PATJ: variants seen among roughly 807,000 people sequenced by gnomAD.
The protein encoded by PATJ is PATJ crumbs cell polarity complex component, also known as inaD-like protein.
PATJ carries 190 observed loss-of-function variants against 224.9 expected under a neutral mutation model. The ratio of observed to expected loss-of-function variants is 0.84; its 90% CI spans 0.75 to 0.95. PATJ has a LOEUF of 0.95. Among genes scored for constraint, PATJ ranks in the 40% least tolerant of loss-of-function variants. The pLI is 0.00. For synonymous variants in PATJ, 769 were observed against 820.3 expected (o/e 0.94, Z 1.07); for missense variants, 2,121 against 2,270.3 (o/e 0.93, Z 1.34).
rs71050197 is a variant in PATJ at position 62,099,347 on chromosome 1, C to CTTTTTTTTT, written c.4378-9068_4378-9060dup. On this transcript the variant is annotated intron_variant, in intron 33 of 43. Transcript: ENST00000642238. ...ATTTTTTTGTATACAATATCTCCAA[C>CTTTTTTTTT]TTTTTTTTTTTTTTTTTTTTTTTTT... 1.2e-3 allele frequency among the ~76,000 whole-genome samples: 67 copies of CTTTTTTTTT among 55,678 alleles called. 2 individuals are homozygous for CTTTTTTTTT. Among genetic ancestry groups the CTTTTTTTTT allele is most frequent in the African/African-American group, 3.3e-3 (42 of 12,842 alleles). 36.5% of individuals were successfully genotyped at this position (55,678 alleles called of 152,430 possible).
chr1:61,798,969 C>T (rs1315044616), intron 11 of PATJ, among the ~76,000 whole-genome samples: 2 of 151,486 alleles, frequency 1.3e-5, no homozygotes, highest in Non-Finnish European at 2.9e-5. Context: ...CATTTTTTTC[C>T]TCTGAAAATA....
At chr1:61,977,435 G>A (rs779204406) in intron 27 of PATJ, among the ~76,000 whole-genome samples, 7 of 152,024 alleles carry the variant, frequency 4.6e-5, no homozygotes, top group Non-Finnish European at 1.0e-4. Flanking sequence ...TAAGAAATAA[G>A]GTGGAAGGTT....
chr1:62,022,421 C>G (rs944600424), intron 29 of PATJ, among the ~76,000 whole-genome samples: 1 of 152,162 alleles, frequency 6.6e-6, no homozygotes, highest in African/African-American at 2.4e-5. Context: ...AATTATTCAA[C>G]TCTGGATCAT....
chr1:62,026,757 AT>A (rs1648023995), intron 29 of PATJ, among the ~76,000 whole-genome samples: 1 of 152,106 alleles, frequency 6.6e-6, no homozygotes. Context: ...ATTCAAACAT[AT>A]TTTCATCACA....
chr1:61,920,488 A>G (rs1674131301), intron 26 of PATJ, among the ~76,000 whole-genome samples: 1 of 152,150 alleles, frequency 6.6e-6, no homozygotes, highest in South Asian at 2.1e-4. Flanking sequence ...CTCCTGCCTC[A>G]TGGAAATGTA....
intron 41 of PATJ, among the ~76,000 whole-genome samples, chr1:62,144,960 G>C (rs1408215830): frequency 1.3e-5 from 2 of 151,840 alleles, no homozygotes; most frequent in African/African-American, 4.8e-5. Context: ...CTCCAGGCCT[G>C]TGCCACCACA....
At chr1:61,988,682 A>G (rs993364172) in intron 27 of PATJ, among the ~76,000 whole-genome samples, 4 of 152,232 alleles carry the variant, frequency 2.6e-5, no homozygotes, top group Admixed American at 6.5e-5. Context: ...TCATTCTAAA[A>G]TAAGCCCCCC....
At chr1:61,828,976 A>C (rs1269365762) in intron 16 of PATJ, among the ~76,000 whole-genome samples, 1 of 152,206 alleles carries the variant, frequency 6.6e-6, no homozygotes. Flanking sequence ...TTGTGCAAGA[A>C]GGAAATGTGG....
At chr1:61,866,629 T>TA (rs61543275) in intron 20 of PATJ, among the ~76,000 whole-genome samples, 1,760 of 147,904 alleles carry the variant, frequency 0.012, 24 homozygotes, top group African/African-American at 0.039. Context: ...AACGTTAAGT[T>TA]AAAAAAAAAA....
chr1:61,748,279 G>A (rs530559337), intron 1 of PATJ, among the ~76,000 whole-genome samples: 138 of 88,162 alleles, frequency 1.6e-3, no homozygotes, highest in African/African-American at 4.5e-3. Flanking sequence ...TTTTTGAGAC[G>A]AGTCTTGCTC....
intron 17 of PATJ, among the ~76,000 whole-genome samples, chr1:61,847,405 G>A (rs1662137731): frequency 6.6e-6 from 1 of 152,020 alleles, no homozygotes; most frequent in African/African-American, 2.4e-5. Flanking sequence ...TGCAGCTCTG[G>A]GACTGTTTAG....
intron 37 of PATJ, chr1:62,120,797 A>T (rs193081512): frequency 1.7e-3 from 296 of 177,140 alleles, no homozygotes; most frequent in Non-Finnish European, 2.1e-3. Context: ...TTGGGTAATA[A>T]AGTTGACTGT....
intron 1 of PATJ, among the ~76,000 whole-genome samples, 181 bp downstream of exon 1, chr1:61,742,736 C>T (rs1214119317): frequency 1.3e-5 from 2 of 150,988 alleles, no homozygotes; most frequent in African/African-American, 2.4e-5. Context: ...GCCGGGCGCT[C>T]AGAGGGGCCG....
At chr1:62,044,163 A>C (rs1036732253) in intron 30 of PATJ, among the ~76,000 whole-genome samples, 1 of 152,262 alleles carries the variant, frequency 6.6e-6, no homozygotes, top group Non-Finnish European at 1.5e-5. Context: ...AATACAGTAC[A>C]TTGTTGTACA....
intron 36 of PATJ, among the ~76,000 whole-genome samples, 198 bp downstream of exon 36, chr1:62,116,877 G>A (rs1224922168): frequency 6.6e-6 from 1 of 152,088 alleles, no homozygotes; most frequent in Non-Finnish European, 1.5e-5. Flanking sequence ...AGAATGAAAG[G>A]GAACCTGCTT....
At chr1:61,840,545 A>G (rs1379339131) in intron 17 of PATJ, among the ~76,000 whole-genome samples, 1 of 152,046 alleles carries the variant, frequency 6.6e-6, no homozygotes. Context: ...TACACACTTT[A>G]AAGGCTCTGT....
At chr1:61,932,979 T>G (rs775083601) in intron 27 of PATJ, among the ~76,000 whole-genome samples, 12 of 152,196 alleles carry the variant, frequency 7.9e-5, no homozygotes, top group Admixed American at 1.3e-4. Context: ...TATAGAGAGT[T>G]TGGTATGTAA....
At chr1:61,968,009 G>C (rs1047692785) in intron 27 of PATJ, among the ~76,000 whole-genome samples, 1 of 152,022 alleles carries the variant, frequency 6.6e-6, no homozygotes, top group Non-Finnish European at 1.5e-5. Flanking sequence ...CATCATCTCA[G>C]CCCTGCCTGA....
rs527633328 is a variant in PATJ at position 61,759,569 on chromosome 1, C to A, written c.-35-3289C>A. 2.6e-5 allele frequency among the ~76,000 whole-genome samples: 4 copies of A among 152,242 alleles called. No homozygotes were observed. The South Asian group carries it at 8.3e-4, about 32-fold the overall frequency. On this transcript the variant is annotated intron_variant, in intron 1 of 43. Coordinates refer to ENST00000642238, the MANE Select transcript of PATJ (RefSeq NM_001350145.3). ...GGATTATAGGCGTCTGCCACCACGC[C>A]CAGCAAATTTTTGTGTTTTTAGTAC...
Sources: allele counts gnomAD v4.1 joint callset (sites outside exome capture counted in the v4.1 genomes callset), GRCh38; gene constraint gnomAD v4.1.1; transcripts MANE v1.5; gene names NCBI Gene and HGNC (gene_info 2026-07-23, HGNC 2026-07-21).